CCDC14: variants seen among roughly 807,000 people sequenced by gnomAD.
CCDC14 encodes coiled-coil domain-containing protein 14.
In CCDC14, 71 loss-of-function variants were observed where a neutral mutation model predicts 81.4. The ratio of observed to expected loss-of-function variants is 0.87; its 90% CI spans 0.72 to 1.06. CCDC14 has a LOEUF of 1.06. Ranked by LOEUF, CCDC14 falls within the 50% of genes least tolerant of loss-of-function variation. The pLI is 0.00. For missense variants in CCDC14, 1,046 were observed against 1,047.3 expected, an observed-to-expected ratio of 1.00 and a Z score of 0.02; for synonymous variants, 332 against 364.8, an observed-to-expected ratio of 0.91 and a Z score of 1.03.
In CCDC14 at chr3:123,956,352, T is replaced by C; in HGVS notation, c.159+3A>G. 1 of 1,538,356 alleles carries C rather than the reference T, an allele frequency of 6.5e-7. No homozygotes were observed. The highest frequency in any genetic ancestry group is 8.8e-7 in the Non-Finnish European group (1 of 1,139,004). On this transcript the variant is annotated splice_donor_region_variant and intron_variant, in intron 3 of 12. Transcript: ENST00000409697. ...AGTGTGTATTGTATCTATTCAATCTTACCTGACTTTCTGAATCAGAATGGA... is the reference window on the plus strand; with the variant it reads ...AGTGTGTATTGTATCTATTCAATCTCACCTGACTTTCTGAATCAGAATGGA...
chr3:123,898,788 A>C (rs2034122086), intron 5 of CCDC14, among the ~76,000 whole-genome samples: 1 of 152,078 alleles, frequency 6.6e-6, no homozygotes, highest in African/African-American at 2.4e-5. Flanking sequence ...CCTGGGTTCA[A>C]GCGATTCTCA....
downstream of CCDC14, among the ~76,000 whole-genome samples, chr3:123,892,443 G>C (rs530977718): frequency 6.6e-6 from 1 of 152,222 alleles, no homozygotes; most frequent in Non-Finnish European, 1.5e-5. Flanking sequence ...CTCCAGGCCT[G>C]TGATAGGAGG....
chr3:123,921,271 A>T (rs1461951293), intron 12 of CCDC14, among the ~76,000 whole-genome samples: 1 of 152,214 alleles, frequency 6.6e-6, no homozygotes, highest in Admixed American at 6.5e-5. Context: ...CAAAAACTGT[A>T]TGCTGCTTAC....
At chr3:123,886,467 G>A in the CCDC14 span, among the ~76,000 whole-genome samples, 3 of 150,952 alleles carry the variant, frequency 2.0e-5, no homozygotes, top group Non-Finnish European at 4.4e-5. Context: ...GCACGATCTC[G>A]GCTCACTGCA....
Position 123,914,691 on chromosome 3 carries a change from AAAC to A in CCDC14, c.*85_*87del. 1 of 1,444,452 alleles carries A rather than the reference AAAC, an allele frequency of 6.9e-7. No individual in the cohort carries two copies. The highest frequency in any genetic ancestry group is 9.1e-7 in the Non-Finnish European group (1 of 1,099,068). 89.5% of individuals were successfully genotyped at this position (1,444,452 alleles called of 1,614,324 possible). On this transcript the variant is annotated 3_prime_UTR_variant, in exon 13 of 13. Transcript: ENST00000409697. Reference sequence around the variant, plus strand: ...ATATTACTTCACACATAATAACATAAAACATCATTTCACTAAAGAAAAATACAC... The same window carrying A: ...ATATTACTTCACACATAATAACATAAATCATTTCACTAAAGAAAAATACAC...
At chr3:123,936,281 A>G (rs2036051095) in intron 9 of CCDC14, among the ~76,000 whole-genome samples, 1 of 152,184 alleles carries the variant, frequency 6.6e-6, no homozygotes, top group Non-Finnish European at 1.5e-5. Context: ...TACACATGCT[A>G]TTTTAAGATA....
At chr3:123,949,687 A>G (rs908812770) in intron 5 of CCDC14, 3 of 153,466 alleles carry the variant, frequency 2.0e-5, no homozygotes, top group Non-Finnish European at 4.3e-5. Flanking sequence ...CAGGCAGGCC[A>G]ATTTAGTTAC....
At chr3:123,935,465 T>C (rs1209740952) in intron 9 of CCDC14, among the ~76,000 whole-genome samples, 2 of 152,170 alleles carry the variant, frequency 1.3e-5, no homozygotes, top group East Asian at 1.9e-4. Flanking sequence ...TGTAGATACA[T>C]ACAAGGATGT....
At chr3:123,923,169 G>A (rs558885079) in intron 12 of CCDC14, among the ~76,000 whole-genome samples, 4 of 152,128 alleles carry the variant, frequency 2.6e-5, no homozygotes, top group Admixed American at 6.5e-5. Flanking sequence ...ACAGAATGAA[G>A]AATTTAAAAC....
chr3:123,891,124 C>A, the CCDC14 span, among the ~76,000 whole-genome samples: 1 of 151,520 alleles, frequency 6.6e-6, no homozygotes, highest in Non-Finnish European at 1.5e-5. Context: ...GGACACAGGG[C>A]ACCTAATCCC....
At chr3:123,889,957 A>T in the CCDC14 span, among the ~76,000 whole-genome samples, 1 of 152,244 alleles carries the variant, frequency 6.6e-6, no homozygotes, top group African/African-American at 2.4e-5. Context: ...ACTGGGAAGA[A>T]AAAGAAGTTT....
At position 123,913,578 on chromosome 3, in the gene CCDC14, T is replaced by C; in HGVS notation, c.*1201A>G. On this transcript the variant is annotated 3_prime_UTR_variant, in exon 13 of 13. Coordinates refer to ENST00000409697, the MANE Select transcript of CCDC14 (RefSeq NM_001366335.1). The stretch of plus-strand genomic sequence containing the variant: ...TGTGTGAAATAGTTTAGAATTCACT[T>C]AATAAATTTTTAGACTTAAATCTCT... 2.0e-6 allele frequency: 2 copies of C among 981,980 alleles called. No individual in the cohort carries two copies. Among genetic ancestry groups the C allele is most frequent in the Non-Finnish European group, 2.4e-6 (2 of 827,356 alleles). The allele number at this position is 981,980 out of a possible 1,614,324, so 60.8% of individuals were successfully genotyped here. A position where few individuals can be genotyped will look rare whatever the true frequency, so the allele number is the denominator to read the frequency against.
At chr3:123,916,602 T>A (rs2034715925) in intron 12 of CCDC14, among the ~76,000 whole-genome samples, 1 of 151,918 alleles carries the variant, frequency 6.6e-6, no homozygotes, top group African/African-American at 2.4e-5. Context: ...CCACAGAAGG[T>A]TTGAAGTTAG....
the CCDC14 span, among the ~76,000 whole-genome samples, chr3:123,891,091 C>T: frequency 6.6e-6 from 1 of 152,208 alleles, no homozygotes; most frequent in Non-Finnish European, 1.5e-5. Flanking sequence ...ATATTGGCCC[C>T]TTTTAGCCAG....
At chr3:123,956,836 CTATTA>C (rs1358147602) in intron 1 of CCDC14, 41 bp from the exon 2 acceptor site, 3 of 1,305,602 alleles carry the variant, frequency 2.3e-6, no homozygotes, top group Non-Finnish European at 3.1e-6. Context: ...AAATATTTTT[CTATTA>C]TATTTTCAAT....
At chr3:123,918,426 T>A (rs1210004622) in intron 12 of CCDC14, among the ~76,000 whole-genome samples, 1 of 152,226 alleles carries the variant, frequency 6.6e-6, no homozygotes, top group African/African-American at 2.4e-5. Context: ...AAGAGTTTCC[T>A]GGCTCTGGTC....
chr3:123,917,289 T>A (rs1577226345), intron 12 of CCDC14, among the ~76,000 whole-genome samples: 1 of 149,454 alleles, frequency 6.7e-6, no homozygotes, highest in Non-Finnish European at 1.5e-5. Flanking sequence ...AGGTCAGGAG[T>A]TCGAGACCAG....
intron 1 of CCDC14, among the ~76,000 whole-genome samples, chr3:123,960,108 A>T (rs1272464135): frequency 6.6e-6 from 1 of 152,202 alleles, no homozygotes; most frequent in East Asian, 1.9e-4. Flanking sequence ...TGTCCTAATC[A>T]CAATACAGGA....
At chr3:123,904,092 A>G (rs191444557) in intron 5 of CCDC14, among the ~76,000 whole-genome samples, 4 of 152,198 alleles carry the variant, frequency 2.6e-5, no homozygotes, top group African/African-American at 9.7e-5. Context: ...GGTTGAATGA[A>G]TTACGCATTA....
Sources: allele counts gnomAD v4.1 joint callset (sites outside exome capture counted in the v4.1 genomes callset), GRCh38; gene constraint gnomAD v4.1.1; transcripts MANE v1.5; gene names NCBI Gene and HGNC (gene_info 2026-07-23, HGNC 2026-07-21).